FGF12: variants seen among roughly 807,000 people sequenced by gnomAD.
FGF12 encodes fibroblast growth factor 12B.
In FGF12, 14 loss-of-function variants were observed where a neutral mutation model predicts 23.6. The observed-to-expected ratio is 0.59, with a 90% confidence interval of 0.39 to 0.93. The LOEUF is 0.93. FGF12 is among the 40% of genes least tolerant of loss of function. The probability of loss-of-function intolerance (pLI) is 0.00; values close to 1 mark genes in which losing one functional copy is unlikely to be tolerated. For missense variants in FGF12, 175 were observed against 217.8 expected (o/e 0.80, Z 1.24); for synonymous variants, 62 against 77.3 (o/e 0.80, Z 1.04).
chr3:192,294,536 A>G (rs2108652898), intron 4 of FGF12, among the ~76,000 whole-genome samples: 1 of 152,204 alleles, frequency 6.6e-6, no homozygotes, highest in Non-Finnish European at 1.5e-5. Flanking sequence ...TTAGGCAAAG[A>G]AACAAAACAA....
intron 5 of FGF12, among the ~76,000 whole-genome samples, chr3:192,161,447 C>T (rs571226160): frequency 4.6e-5 from 7 of 151,998 alleles, no homozygotes; most frequent in East Asian, 1.9e-4. Context: ...AATACACACA[C>T]ACACACAACT....
chr3:192,433,433 A>C (rs1437087140), intron 2 of FGF12, among the ~76,000 whole-genome samples: 1 of 152,254 alleles, frequency 6.6e-6, no homozygotes, highest in Admixed American at 6.5e-5. Context: ...GCAAATATTT[A>C]CTAAATATAA....
chr3:192,405,329 G>C (rs577164607), intron 2 of FGF12, among the ~76,000 whole-genome samples: 1 of 151,212 alleles, frequency 6.6e-6, no homozygotes, highest in South Asian at 2.1e-4. Context: ...ATCAGAACTT[G>C]GTTAGCTAAG....
intron 2 of FGF12, among the ~76,000 whole-genome samples, chr3:192,425,939 T>C (rs1400186460): frequency 6.6e-6 from 1 of 152,208 alleles, no homozygotes; most frequent in Non-Finnish European, 1.5e-5. Context: ...ACTACAACTT[T>C]CTTAAATGGA....
At chr3:192,726,526 T>C (rs1358396421) in intron 2 of FGF12, among the ~76,000 whole-genome samples, 2 of 152,226 alleles carry the variant, frequency 1.3e-5, no homozygotes, top group African/African-American at 4.8e-5. Context: ...GCATACATTA[T>C]GCAGATTTGC....
intron 2 of FGF12, among the ~76,000 whole-genome samples, chr3:192,461,090 G>T (rs1324456880): frequency 3.3e-5 from 5 of 152,098 alleles, no homozygotes; most frequent in African/African-American, 1.2e-4. Context: ...ATAACATACA[G>T]GACACATTTT....
chr3:192,342,502 G>A (rs1717741322), intron 3 of FGF12, among the ~76,000 whole-genome samples: 2 of 152,254 alleles, frequency 1.3e-5, no homozygotes, highest in East Asian at 1.9e-4. Flanking sequence ...AAGGCGTGGT[G>A]GCTCATGCCT....
chr3:192,261,581 A>G (rs1258892373), intron 4 of FGF12, among the ~76,000 whole-genome samples: 1 of 152,186 alleles, frequency 6.6e-6, no homozygotes, highest in East Asian at 1.9e-4. Context: ...TGGAGATGTC[A>G]TGGCTCCGCC....
chr3:192,667,065 A>C (rs1716911014), intron 2 of FGF12, among the ~76,000 whole-genome samples: 1 of 152,212 alleles, frequency 6.6e-6, no homozygotes, highest in African/African-American at 2.4e-5. Context: ...AAGTCATATA[A>C]TATCATTCAT....
At chr3:192,583,078 G>A (rs1713227407) in intron 2 of FGF12, among the ~76,000 whole-genome samples, 1 of 152,094 alleles carries the variant, frequency 6.6e-6, no homozygotes, top group Non-Finnish European at 1.5e-5. Flanking sequence ...CCTCCATGAA[G>A]AGATCCTTAG....
chr3:192,601,701 G>A (rs1196101465), intron 2 of FGF12, among the ~76,000 whole-genome samples: 1 of 152,122 alleles, frequency 6.6e-6, no homozygotes, highest in Non-Finnish European at 1.5e-5. Context: ...TGGGGGACTG[G>A]TTCCAGAACC....
At chr3:192,255,810 T>C (rs918129463) in intron 4 of FGF12, among the ~76,000 whole-genome samples, 4 of 152,098 alleles carry the variant, frequency 2.6e-5, no homozygotes, top group Admixed American at 2.6e-4. Flanking sequence ...TTCCTAGAGA[T>C]GTGCCTATTA....
In FGF12 at chr3:192,293,103, G is replaced by A. The variant is rs1714846273; in HGVS notation, c.228+42258C>T. 1.3e-5 allele frequency among the ~76,000 whole-genome samples: 2 copies of A among 152,162 alleles called. 1 individual carries two copies. Among genetic ancestry groups the A allele is most frequent in the South Asian group, 4.2e-4 (2 of 4,814 alleles). Reference sequence around the variant, plus strand: ...TCTTGAGAGGTAATTTTGATCATATGATCTCTCAGAATTTCATTTAAATTT... The same window carrying A: ...TCTTGAGAGGTAATTTTGATCATATAATCTCTCAGAATTTCATTTAAATTT... On this transcript the variant is annotated intron_variant, in intron 4 of 5. Coordinates refer to ENST00000445105, the MANE Select transcript of FGF12 (RefSeq NM_004113.6).
chr3:192,241,794 C>T (rs1322114770), intron 4 of FGF12, among the ~76,000 whole-genome samples: 1 of 152,240 alleles, frequency 6.6e-6, no homozygotes, highest in Non-Finnish European at 1.5e-5. Context: ...GGAACATTGC[C>T]TGGCTCATGA....
At chr3:192,282,285 A>T (rs1411833065) in intron 4 of FGF12, among the ~76,000 whole-genome samples, 1 of 152,156 alleles carries the variant, frequency 6.6e-6, no homozygotes, top group Non-Finnish European at 1.5e-5. Context: ...TAAATGAATG[A>T]ATGAGTGAAT....
chr3:192,560,546 T>C (rs1472383759), intron 2 of FGF12, among the ~76,000 whole-genome samples: 2 of 152,104 alleles, frequency 1.3e-5, no homozygotes, highest in Non-Finnish European at 1.5e-5. Flanking sequence ...GCAAATATTA[T>C]ACATGCCCTT....
In FGF12 at chr3:192,496,805, G is replaced by C. The variant is rs139612668; in HGVS notation, c.14-136267C>G. 4.2e-3 allele frequency among the ~76,000 whole-genome samples: 647 copies of C among 152,272 alleles called. 5 individuals are homozygous for C. The highest frequency in any genetic ancestry group is 0.015 in the African/African-American group (628 of 41,552). On this transcript the variant is annotated intron_variant, in intron 2 of 5. Coordinates refer to ENST00000445105, the MANE Select transcript of FGF12 (RefSeq NM_004113.6). The stretch of plus-strand genomic sequence containing the variant: ...GCTGGTCATTCCTTTCTGCCACTTT[G>C]TTCACTTAATTCCTGTGTTATCACA...
At chr3:192,213,098 G>C (rs564879818) in intron 4 of FGF12, among the ~76,000 whole-genome samples, 1 of 152,214 alleles carries the variant, frequency 6.6e-6, no homozygotes, top group Non-Finnish European at 1.5e-5. Flanking sequence ...GCACAAGAAG[G>C]TTCCTCACAG....
At chr3:192,652,323 C>A (rs953169481) in intron 2 of FGF12, among the ~76,000 whole-genome samples, 1 of 152,096 alleles carries the variant, frequency 6.6e-6, no homozygotes, top group Non-Finnish European at 1.5e-5. Flanking sequence ...CAAGGGAAGG[C>A]GTGCCAACAT....
Sources: allele counts gnomAD v4.1 joint callset (sites outside exome capture counted in the v4.1 genomes callset), GRCh38; gene constraint gnomAD v4.1.1; transcripts MANE v1.5; gene names NCBI Gene and HGNC (gene_info 2026-07-23, HGNC 2026-07-21).